The following SARDH variants were observed in gnomAD, a reference collection of about 807,000 sequenced individuals.
The protein encoded by SARDH is sarcosine dehydrogenase, mitochondrial.
SARDH carries 95 observed loss-of-function variants against 109.1 expected under a neutral mutation model. That is an observed-to-expected ratio of 0.87 (90% CI 0.74 to 1.03). SARDH has a LOEUF of 1.03. SARDH is among the 50% of genes least tolerant of loss of function. The pLI, the probability that SARDH is intolerant of heterozygous loss-of-function variation, is 0.00. For missense variants in SARDH, 1,267 were observed against 1,287.8 expected, an observed-to-expected ratio of 0.98 and a Z score of 0.25; for synonymous variants, 572 against 534.8, an observed-to-expected ratio of 1.07 and a Z score of -0.96.
At position 133,729,841 on chromosome 9, in the gene SARDH, C is replaced by A; in HGVS notation, c.839G>T (p.Arg280Leu). 6.2e-7 allele frequency: 1 copy of A among 1,612,112 alleles called. No individual in the cohort carries two copies. The highest frequency in any genetic ancestry group is 8.5e-7 in the Non-Finnish European group (1 of 1,180,012). ...CAGVWASAVGRMAGVKVPLVA... is the reference protein window; with the variant it reads ...CAGVWASAVGLMAGVKVPLVA... ...CAGCGGGACCTTGACTCCAGCCATC[C>A]GGCCCACAGCACTTGCCCACACTCC... Residue 280 changes from arginine (R) to leucine (L), a missense_variant, in exon 6 of 21, where the codon CGG becomes CTG. Coordinates refer to ENST00000439388, the MANE Select transcript of SARDH (RefSeq NM_001134707.2).
At chr9:133,703,341 A>G in intron 12 of SARDH, 1 of 408,822 alleles carries the variant, frequency 2.4e-6, no homozygotes. Context: ...CCAGGACCTC[A>G]GCCAGGGCTG....
At position 133,718,123 on chromosome 9, in the gene SARDH, G is replaced by A. The variant is rs1240206921; in HGVS notation, c.1021-668C>T. ...GTCTCACTCTGTCACCCAGGCTGGA[G>A]TAAAGTGGTGCGATCTCGGCTCACT... On this transcript the variant is annotated intron_variant, in intron 7 of 20. Coordinates refer to ENST00000439388, the MANE Select transcript of SARDH (RefSeq NM_001134707.2). This position sits in a 1 kb window ranked among gnomAD's most constrained non-coding sequence, Gnocchi z 4.2. Among the ~76,000 whole-genome samples, 1 of 152,216 alleles carries A rather than the reference G, an allele frequency of 6.6e-6. No homozygotes were observed. Among genetic ancestry groups the A allele is most frequent in the Admixed American group, 6.5e-5 (1 of 15,284 alleles).
chr9:133,696,959 G>A (rs1478340734), intron 13 of SARDH, among the ~76,000 whole-genome samples: 1 of 152,030 alleles, frequency 6.6e-6, no homozygotes, highest in East Asian at 1.9e-4. Flanking sequence ...CAGAAGGAAT[G>A]AAATGTTAGA....
At chr9:133,683,281 C>T (rs544235540) in intron 17 of SARDH, among the ~76,000 whole-genome samples, 44 of 152,250 alleles carry the variant, frequency 2.9e-4, no homozygotes, top group Non-Finnish European at 1.0e-4. Context: ...CTGGAGTGGC[C>T]GTGCGGGTGG....
Position 133,712,816 on chromosome 9 carries a change from G to T in SARDH, c.1238-107C>A. Reference sequence around the variant, plus strand: ...GGACAGCACAGACACTCCAAGCTCTGCTCTCACACCTGGGGTGCTGCACGC... The same window carrying T: ...GGACAGCACAGACACTCCAAGCTCTTCTCTCACACCTGGGGTGCTGCACGC... On this transcript the variant is annotated intron_variant, in intron 9 of 20. Transcript: ENST00000439388. This position sits in a 1 kb window ranked among gnomAD's most constrained non-coding sequence, Gnocchi z 4.1. The T allele has an allele frequency of 8.9e-7, 1 of 1,126,338 alleles. No homozygotes were observed. Among genetic ancestry groups the T allele is most frequent in the South Asian group, 1.4e-5 (1 of 72,912 alleles). 69.8% of individuals were successfully genotyped at this position (1,126,338 alleles called of 1,614,324 possible).
intron 16 of SARDH, among the ~76,000 whole-genome samples, chr9:133,687,460 T>C (rs1830925789): frequency 6.6e-6 from 1 of 152,152 alleles, no homozygotes; most frequent in Non-Finnish European, 1.5e-5. Context: ...TTTGTTGTTT[T>C]TTTAGAGATA....
chr9:133,710,992 GGGCTCCCCACCTGTGCCCTT>G (rs1195183425), intron 10 of SARDH, among the ~76,000 whole-genome samples: 12 of 152,324 alleles, frequency 7.9e-5, no homozygotes, highest in South Asian at 6.2e-4. Flanking sequence ...CAGCTCTCAG[GGGCTCCCCACCTGTGCCCTT>G]GGCTCCCAGC....
chr9:133,660,236 C>T (rs1422630212), downstream of SARDH, among the ~76,000 whole-genome samples: 2 of 152,146 alleles, frequency 1.3e-5, no homozygotes, highest in East Asian at 3.9e-4. Flanking sequence ...AGGCTATGCA[C>T]AGCCGTGGCA....
At chr9:133,677,554 G>C (rs994666265) in intron 17 of SARDH, among the ~76,000 whole-genome samples, 1 of 152,190 alleles carries the variant, frequency 6.6e-6, no homozygotes, top group Non-Finnish European at 1.5e-5. Flanking sequence ...GGCTACAGGG[G>C]ACCTCTCCAC....
chr9:133,695,094 C>A (rs1173715314), intron 14 of SARDH, among the ~76,000 whole-genome samples: 1 of 152,174 alleles, frequency 6.6e-6, no homozygotes, highest in African/African-American at 2.4e-5. Flanking sequence ...GAAATGAGGT[C>A]TTTGCAGATA....
intron 16 of SARDH, among the ~76,000 whole-genome samples, chr9:133,687,310 T>C (rs1331738314): frequency 6.6e-6 from 1 of 152,160 alleles, no homozygotes; most frequent in African/African-American, 2.4e-5. Context: ...TCACCCTGTC[T>C]CCCAGGGCGG....
chr9:133,671,510 C>A, intron 18 of SARDH, 25 bp downstream of exon 18: 1 of 1,571,446 alleles, frequency 6.4e-7, no homozygotes, highest in South Asian at 1.2e-5. Context: ...GCCCCCGCCC[C>A]GTGCTGTCCA....
At chr9:133,711,544 C>T (rs570476662) in intron 10 of SARDH, among the ~76,000 whole-genome samples, 1 of 152,326 alleles carries the variant, frequency 6.6e-6, no homozygotes, top group South Asian at 2.1e-4. Flanking sequence ...TTCACTGTGT[C>T]GGGTGCCATG....
At chr9:133,715,165 C>T (rs1823829980) in intron 8 of SARDH, among the ~76,000 whole-genome samples, 1 of 152,174 alleles carries the variant, frequency 6.6e-6, no homozygotes, top group Admixed American at 6.5e-5. Flanking sequence ...TTCCTGGAGG[C>T]CAAAGGCCAT....
At chr9:133,674,978 A>G (rs192292286) in intron 17 of SARDH, among the ~76,000 whole-genome samples, 1 of 152,344 alleles carries the variant, frequency 6.6e-6, no homozygotes, top group Admixed American at 6.5e-5. Flanking sequence ...TACATATGAT[A>G]AGGGCCTTCT....
chr9:133,679,183 G>A lies in SARDH; in HGVS notation c.2163+6010C>T, dbSNP rs144005619. On this transcript the variant is annotated intron_variant, in intron 17 of 20. Transcript: ENST00000439388. ...CAGGGAACACGGTGCCCCAGCCTGCGGCCACCAGTCTCTCTGTGCTGCATC... is the reference window on the plus strand; with the variant it reads ...CAGGGAACACGGTGCCCCAGCCTGCAGCCACCAGTCTCTCTGTGCTGCATC... 4.5e-3 allele frequency among the ~76,000 whole-genome samples: 681 copies of A among 152,306 alleles called. 1 individual carries two copies. The highest frequency in any genetic ancestry group is 0.016 in the African/African-American group (658 of 41,570).
At chr9:133,734,267 C>G (rs184008170) in intron 1 of SARDH, 64 bp from the exon 2 acceptor site, 4 of 1,191,988 alleles carry the variant, frequency 3.4e-6, no homozygotes, top group Non-Finnish European at 4.5e-6. Context: ...TGCTGAGTAC[C>G]CAGGGAAATA....
intron 17 of SARDH, among the ~76,000 whole-genome samples, chr9:133,682,851 T>A: frequency 7.2e-6 from 1 of 139,636 alleles, no homozygotes; most frequent in East Asian, 2.0e-4. Context: ...GCAGTGATGG[T>A]TGGAAACTGC....
At chr9:133,719,706 T>C (rs12341402) in intron 6 of SARDH, among the ~76,000 whole-genome samples, 6,898 of 137,090 alleles carry the variant, frequency 0.05, 351 homozygotes, top group African/African-American at 0.13. Context: ...GCTTGAGATG[T>C]TGACACCAGG....
Sources: gnomAD v4.1 joint callset for allele counts (sites outside exome capture counted in the v4.1 genomes callset) on GRCh38, gnomAD v4.1.1 for gene constraint, Gnocchi (gnomAD v3.1) non-coding constraint, MANE v1.5 for transcripts, NCBI Gene and HGNC (gene_info 2026-07-23, HGNC 2026-07-21) for gene names.